HNRNPLL: variants seen among roughly 807,000 people sequenced by gnomAD.
The protein encoded by HNRNPLL is heterogeneous nuclear ribonucleoprotein L-like.
A neutral mutation model predicts 67.1 loss-of-function variants in HNRNPLL; 25 were observed. The observed-to-expected ratio is 0.37, with a 90% CI of 0.27 to 0.52. The LOEUF (loss-of-function observed/expected upper bound fraction) is 0.52. Ranked by LOEUF, HNRNPLL falls within the 20% of genes least tolerant of loss-of-function variation. HNRNPLL has a pLI of 0.90. For synonymous variants in HNRNPLL, 267 were observed against 241.7 expected (o/e 1.10, Z -0.97); for missense variants, 542 against 673.9 (o/e 0.80, Z 2.17).
chr2:38,566,016 T>C (rs997469475), intron 12 of HNRNPLL: 18 of 985,042 alleles, frequency 1.8e-5, no homozygotes, highest in Non-Finnish European at 2.1e-5. Flanking sequence ...CACCCAATAA[T>C]GTTCCCCTAT....
chr2:38,586,966 T>C (rs756678916), intron 2 of HNRNPLL, among the ~76,000 whole-genome samples: 1 of 151,976 alleles, frequency 6.6e-6, no homozygotes, highest in Non-Finnish European at 1.5e-5. Flanking sequence ...GAAGGAAGAG[T>C]TGAAGACAGA....
intron 1 of HNRNPLL, among the ~76,000 whole-genome samples, chr2:38,596,440 TAG>T (rs1558547747): frequency 6.6e-6 from 1 of 152,072 alleles, no homozygotes. Flanking sequence ...TGTGGTTTAA[TAG>T]AGACAGGGTT....
At chr2:38,584,837 C>T (rs143597669) in intron 3 of HNRNPLL, among the ~76,000 whole-genome samples, 41 of 152,096 alleles carry the variant, frequency 2.7e-4, no homozygotes, top group African/African-American at 9.9e-4. Context: ...TGCATTGTTA[C>T]ACACCAGAGA....
intron 12 of HNRNPLL, among the ~76,000 whole-genome samples, chr2:38,566,380 C>CAAA (rs71402235): frequency 0.016 from 1,849 of 119,056 alleles, 26 homozygotes; most frequent in South Asian, 0.082. Flanking sequence ...AAAAAAAAAC[C>CAAA]AAAAAAAAAA....
At chr2:38,578,912 T>C (rs1312242047) in intron 6 of HNRNPLL, among the ~76,000 whole-genome samples, 3 of 152,086 alleles carry the variant, frequency 2.0e-5, no homozygotes, top group Non-Finnish European at 2.9e-5. Context: ...CATTTCTTCT[T>C]CAATCCTAAC....
At chr2:38,598,179 G>A (rs958287454) in intron 1 of HNRNPLL, among the ~76,000 whole-genome samples, 8 of 152,114 alleles carry the variant, frequency 5.3e-5, no homozygotes, top group Non-Finnish European at 1.0e-4. Context: ...CTCAACCTCA[G>A]AGGTGGCCTG....
intron 2 of HNRNPLL, among the ~76,000 whole-genome samples, chr2:38,590,806 G>T (rs1666929907): frequency 6.6e-6 from 1 of 152,084 alleles, no homozygotes; most frequent in South Asian, 2.1e-4. Context: ...CAGGACAGCA[G>T]CTGAGGCAAT....
chr2:38,600,489 G>A (rs560676337), intron 1 of HNRNPLL, among the ~76,000 whole-genome samples: 2 of 152,124 alleles, frequency 1.3e-5, no homozygotes, highest in Non-Finnish European at 2.9e-5. Flanking sequence ...CACTTTGGGA[G>A]GCCAACTCAG....
rs1382583571 is a variant in HNRNPLL, at chr2:38,598,826, C to A, written c.189+3612G>T. Reference sequence around the variant, plus strand: ...TGGTAAAACCTACTACTTTTCATTTCTTTCCCCAAACTAGGCCTAAAAATC... The same window carrying A: ...TGGTAAAACCTACTACTTTTCATTTATTTCCCCAAACTAGGCCTAAAAATC... On this transcript the variant is annotated intron_variant, in intron 1 of 12. Transcript: ENST00000449105. Among the ~76,000 whole-genome samples the A allele has an allele frequency of 3.9e-5, 6 of 152,322 alleles. No homozygotes were observed. The South Asian group carries it at 1.0e-3, about 26-fold the overall frequency.
At chr2:38,567,812 T>C (rs745878163) in intron 12 of HNRNPLL, among the ~76,000 whole-genome samples, 87 of 152,202 alleles carry the variant, frequency 5.7e-4, no homozygotes, top group Non-Finnish European at 5.4e-4. Flanking sequence ...GTGGCTTGAT[T>C]GAGCCTACAC....
In HNRNPLL at chr2:38,563,062, A is replaced by G. The variant is rs1336847712; in HGVS notation, c.*1120T>C. On this transcript the variant is annotated 3_prime_UTR_variant, in exon 13 of 13. Coordinates refer to ENST00000449105, the MANE Select transcript of HNRNPLL (RefSeq NM_138394.4). ...ACAAAATGGCCACATCAGTTTTTCT[A>G]TTGTAAAAAAGCTGTGAACTTGGTA... The G allele has an allele frequency of 6.6e-6, 1 of 152,022 alleles. No individual in the cohort carries two copies. Among genetic ancestry groups the G allele is most frequent in the Admixed American group, 6.5e-5 (1 of 15,268 alleles). The allele number at this position is 152,022 out of a possible 1,614,324, so 9.4% of individuals were successfully genotyped here.
chr2:38,579,651 C>A (rs879730121), intron 6 of HNRNPLL, among the ~76,000 whole-genome samples: 1 of 151,538 alleles, frequency 6.6e-6, no homozygotes, highest in Non-Finnish European at 1.5e-5. Context: ...GGTTCCCTGG[C>A]GTCCTGGTTA....
intron 7 of HNRNPLL, 72 bp from the exon 8 acceptor site, chr2:38,573,499 A>G (rs1666176836): frequency 2.1e-6 from 2 of 949,216 alleles, no homozygotes; most frequent in Admixed American, 4.6e-5. Flanking sequence ...TTTAGTAGAT[A>G]TACTGCACCA....
At chr2:38,564,613 C>CAAAAAAAAAAAA (rs70954732) in intron 12 of HNRNPLL, among the ~76,000 whole-genome samples, 8 of 36,998 alleles carry the variant, frequency 2.2e-4, no homozygotes, top group African/African-American at 8.1e-4. Context: ...GACTCCGTCT[C>CAAAAAAAAAAAA]AAAAAAAAAA....
chr2:38,572,711 G>C (rs987814521), intron 8 of HNRNPLL, among the ~76,000 whole-genome samples: 4 of 152,076 alleles, frequency 2.6e-5, no homozygotes, highest in Non-Finnish European at 2.9e-5. Context: ...AAGTGGGTCA[G>C]TTTCAAATAC....
rs185501644 is a variant in HNRNPLL at position 38,590,221 on chromosome 2, A to G, written c.308+1309T>C. On this transcript the variant is annotated intron_variant, in intron 2 of 12. Coordinates refer to ENST00000449105, the MANE Select transcript of HNRNPLL (RefSeq NM_138394.4). The stretch of plus-strand genomic sequence containing the variant: ...AGAAAATAAAATTATGCCACAATGC[A>G]AGTTATCACCTAATACTACTATTCC... Among the ~76,000 whole-genome samples, 269 of 152,338 alleles carry G rather than the reference A, an allele frequency of 1.8e-3. 1 individual carries two copies. Among genetic ancestry groups the G allele is most frequent in the African/African-American group, 6.3e-3 (263 of 41,586 alleles).
chr2:38,599,265 A>AT (rs1384793663), intron 1 of HNRNPLL, among the ~76,000 whole-genome samples: 1 of 152,188 alleles, frequency 6.6e-6, no homozygotes, highest in Non-Finnish European at 1.5e-5. Context: ...CCACTTAATA[A>AT]TCTTTGATTT....
At chr2:38,582,441 G>C (rs914059083) in intron 4 of HNRNPLL, among the ~76,000 whole-genome samples, 143 of 152,240 alleles carry the variant, frequency 9.4e-4, no homozygotes, top group African/African-American at 3.2e-3. Flanking sequence ...CTCCCAAGTA[G>C]CTGGGACTAC....
At position 38,585,677 on chromosome 2, in the gene HNRNPLL, G is replaced by C. The variant is rs747201575; in HGVS notation, c.513C>G (p.Leu171=). Residue 171 remains leucine, a synonymous_variant, in exon 3 of 13, where the codon CTC becomes CTG. Transcript: ENST00000449105. ...DPSGGNKVLL[L]SIQNPLYPIT... is the part of the protein sequence containing the mutation. ...TTGGATAAAGCGGATTCTGAATTGA[G>C]AGCAGAAGAACTTTGTTGCCTCCTG... 1 of 1,608,626 alleles carries C rather than the reference G, an allele frequency of 6.2e-7. No homozygotes were observed. The highest frequency in any genetic ancestry group is 1.3e-5 in the African/African-American group (1 of 74,798).
Sources: allele counts gnomAD v4.1 joint callset (sites outside exome capture counted in the v4.1 genomes callset), GRCh38; gene constraint gnomAD v4.1.1; transcripts MANE v1.5; gene names NCBI Gene and HGNC (gene_info 2026-07-23, HGNC 2026-07-21).